CSMD1: variants seen among roughly 807,000 people sequenced by gnomAD.
CSMD1 encodes the protein CUB and Sushi multiple domains 1, also known as CUB and sushi domain-containing protein 1.
A neutral mutation model predicts 417.5 loss-of-function variants in CSMD1; 213 were observed. The observed-to-expected ratio is 0.51, with a 90% CI of 0.46 to 0.57. The LOEUF is 0.57. Ranked by LOEUF, CSMD1 falls within the 20% of genes least tolerant of loss-of-function variation. The pLI is 0.00. For synonymous variants in CSMD1, 2,862 were observed against 1,736.8 expected (o/e 1.65, Z -16.11); for missense variants, 6,923 against 4,529.7 (o/e 1.53, Z -15.17).
chr8:3,218,741 A>C, intron 29 of CSMD1, among the ~76,000 whole-genome samples: 1 of 151,730 alleles, frequency 6.6e-6, no homozygotes, highest in East Asian at 2.0e-4. Context: ...GTATGGTGGC[A>C]TGCTCCTGTA....
chr8:4,387,965 T>G (rs1260698858), intron 3 of CSMD1, among the ~76,000 whole-genome samples: 1 of 152,120 alleles, frequency 6.6e-6, no homozygotes, highest in African/African-American at 2.4e-5. Flanking sequence ...AATTTAAAAT[T>G]TTACTCTCAG....
chr8:4,667,233 T>C (rs1375817174), intron 1 of CSMD1, among the ~76,000 whole-genome samples: 1 of 152,204 alleles, frequency 6.6e-6, no homozygotes, highest in Admixed American at 6.5e-5. Context: ...TGTTTTCCAA[T>C]ACCACAGTCT....
At chr8:3,148,856 A>G (rs979597115) in intron 40 of CSMD1, among the ~76,000 whole-genome samples, 2 of 152,220 alleles carry the variant, frequency 1.3e-5, no homozygotes, top group African/African-American at 4.8e-5. Flanking sequence ...TATAGAATTT[A>G]TCACAGGCAA....
At chr8:4,985,710 G>C (rs534261288) in intron 1 of CSMD1, among the ~76,000 whole-genome samples, 1 of 152,212 alleles carries the variant, frequency 6.6e-6, no homozygotes, top group African/African-American at 2.4e-5. Context: ...TTTAAGTATG[G>C]GGCATTACAT....
At chr8:4,201,944 C>G (rs950964395) in intron 3 of CSMD1, among the ~76,000 whole-genome samples, 3 of 150,302 alleles carry the variant, frequency 2.0e-5, no homozygotes, top group Non-Finnish European at 3.0e-5. Flanking sequence ...TTCAAGCCAA[C>G]CACAAAAACC....
At chr8:4,193,160 G>T (rs1463277570) in intron 3 of CSMD1, among the ~76,000 whole-genome samples, 1 of 152,132 alleles carries the variant, frequency 6.6e-6, no homozygotes, top group African/African-American at 2.4e-5. Flanking sequence ...AAGTTGCCCA[G>T]TACCATGCAT....
chr8:4,509,307 T>G (rs1802696530), intron 2 of CSMD1, among the ~76,000 whole-genome samples: 1 of 152,106 alleles, frequency 6.6e-6, no homozygotes, highest in Non-Finnish European at 1.5e-5. Flanking sequence ...GGAAGATGTT[T>G]CCTCCCTACC....
At position 3,459,773 on chromosome 8, in the gene CSMD1, C is replaced by G. The variant is rs574539221; in HGVS notation, c.1561+8939G>C. On this transcript the variant is annotated intron_variant, in intron 12 of 69. Coordinates refer to ENST00000635120, the MANE Select transcript of CSMD1 (RefSeq NM_033225.6). ...TGCCGGCACATGAACAGATTTGGGT[C>G]CAGGAATCAGAGCAGCATCAACAAC... is the stretch of plus-strand genomic sequence containing the variant. Among the ~76,000 whole-genome samples the G allele has an allele frequency of 1.1e-4, 17 of 152,028 alleles. 1 individual carries two copies. Among genetic ancestry groups the G allele is most frequent in the Non-Finnish European group, 2.1e-4 (14 of 68,024 alleles).
chr8:4,036,148 C>T (rs532124784), intron 3 of CSMD1, among the ~76,000 whole-genome samples: 6 of 152,226 alleles, frequency 3.9e-5, no homozygotes, highest in Non-Finnish European at 5.9e-5. Context: ...CGTAGTAGGC[C>T]GCAAAACTTG....
intron 3 of CSMD1, among the ~76,000 whole-genome samples, chr8:4,392,066 C>A (rs200040195): frequency 1.3e-5 from 2 of 152,184 alleles, no homozygotes; most frequent in East Asian, 1.9e-4. Flanking sequence ...CTGTGGGACA[C>A]CATGGGTCTG....
At position 3,572,172 on chromosome 8, in the gene CSMD1, C is replaced by A. The variant is rs556221654; in HGVS notation, c.1344+2773G>T. ...GCCCGACCCATTACAGGGGCGCATT[C>A]GAGCACTCCTTCTCCACCCAGGAAG... On this transcript the variant is annotated intron_variant, in intron 10 of 69. Coordinates refer to ENST00000635120, the MANE Select transcript of CSMD1 (RefSeq NM_033225.6). Among the ~76,000 whole-genome samples the A allele has an allele frequency of 2.6e-5, 4 of 152,268 alleles. No homozygotes were observed. In the East Asian group the frequency reaches 7.8e-4, roughly 30 times the overall value.
intron 5 of CSMD1, among the ~76,000 whole-genome samples, chr8:3,945,611 C>T (rs903986620): frequency 1.3e-5 from 2 of 152,092 alleles, no homozygotes; most frequent in Non-Finnish European, 2.9e-5. Context: ...ATTAGGCAAA[C>T]TAATGTACTG....
At chr8:3,804,722 G>C (rs1488497059) in intron 5 of CSMD1, among the ~76,000 whole-genome samples, 1 of 152,170 alleles carries the variant, frequency 6.6e-6, no homozygotes, top group African/African-American at 2.4e-5. Flanking sequence ...ATTTGTGTAT[G>C]ATATTTGCTT....
intron 4 of CSMD1, among the ~76,000 whole-genome samples, chr8:4,025,880 C>T (rs568298309): frequency 2.9e-4 from 44 of 152,016 alleles, no homozygotes; most frequent in Middle Eastern, 3.4e-3. Context: ...AACATCACGG[C>T]TACATATATA....
chr8:4,937,474 G>A (rs746634163), intron 1 of CSMD1, among the ~76,000 whole-genome samples: 1 of 152,068 alleles, frequency 6.6e-6, no homozygotes, highest in Non-Finnish European at 1.5e-5. Context: ...ATTTTCTTAT[G>A]TGTTGGATGA....
At chr8:4,156,083 C>T (rs1334886131) in intron 3 of CSMD1, among the ~76,000 whole-genome samples, 1 of 152,116 alleles carries the variant, frequency 6.6e-6, no homozygotes, top group Non-Finnish European at 1.5e-5. Flanking sequence ...ATAGGGCTGG[C>T]TGGAGTTATC....
chr8:3,730,987 C>G (rs1209836712), intron 6 of CSMD1, among the ~76,000 whole-genome samples: 1 of 152,116 alleles, frequency 6.6e-6, no homozygotes, highest in African/African-American at 2.4e-5. Context: ...CAAACATACA[C>G]AAAATTACAG....
intron 41 of CSMD1, among the ~76,000 whole-genome samples, chr8:3,122,388 T>C (rs909247745): frequency 6.6e-6 from 1 of 152,214 alleles, no homozygotes; most frequent in African/African-American, 2.4e-5. Context: ...AGATTTACTA[T>C]AGATCAATAA....
chr8:3,949,714 C>G (rs562811231), intron 5 of CSMD1, among the ~76,000 whole-genome samples: 9 of 152,074 alleles, frequency 5.9e-5, no homozygotes, highest in African/African-American at 2.2e-4. Flanking sequence ...TTTCCTGATT[C>G]ATGGTATGAG....
Sources: allele counts gnomAD v4.1 joint callset (sites outside exome capture counted in the v4.1 genomes callset), GRCh38; gene constraint gnomAD v4.1.1; transcripts MANE v1.5; gene names NCBI Gene and HGNC (gene_info 2026-07-23, HGNC 2026-07-21).